HS3ST4: variants seen among roughly 807,000 people sequenced by gnomAD.
The protein encoded by HS3ST4 is heparan sulfate glucosamine 3-O-sulfotransferase 4.
A neutral mutation model predicts 29.2 loss-of-function variants in HS3ST4; 17 were observed. The ratio of observed to expected loss-of-function variants is 0.58; its 90% CI spans 0.40 to 0.87. The LOEUF (loss-of-function observed/expected upper bound fraction) is 0.87. Ranked by LOEUF, HS3ST4 falls within the 40% of genes least tolerant of loss-of-function variation. HS3ST4 has a pLI of 0.00. For missense variants in HS3ST4, 627 were observed against 634.5 expected (o/e 0.99, Z 0.13); for synonymous variants, 314 against 285.7 (o/e 1.10, Z -1.00).
rs768215655 is a variant in HS3ST4 at position 25,735,839 on chromosome 16, CAT to C, written c.734+42690_734+42691del. 1.6e-4 allele frequency among the ~76,000 whole-genome samples: 25 copies of C among 152,318 alleles called. No individual in the cohort carries two copies. In the East Asian group the frequency reaches 4.2e-3, roughly 26 times the overall value. ...GAGCCTACCACTGTGAGCCTAATGA[CAT>C]AGACCTGGAGCTAGGGGGTGGCATC... On this transcript the variant is annotated intron_variant, in intron 1 of 1. Coordinates refer to ENST00000331351, the MANE Select transcript of HS3ST4 (RefSeq NM_006040.3).
intron 1 of HS3ST4, among the ~76,000 whole-genome samples, chr16:26,081,536 T>A (rs1046203906): frequency 6.6e-6 from 1 of 152,194 alleles, no homozygotes; most frequent in East Asian, 1.9e-4. Context: ...CTGTGCAGTC[T>A]GTCCATTGAT....
At chr16:25,942,151 A>G (rs1968578389) in intron 1 of HS3ST4, among the ~76,000 whole-genome samples, 1 of 152,184 alleles carries the variant, frequency 6.6e-6, no homozygotes, top group Non-Finnish European at 1.5e-5. Context: ...TGGGGCCTGT[A>G]CCAATTGATG....
At chr16:26,017,012 T>G (rs1462748374) in intron 1 of HS3ST4, among the ~76,000 whole-genome samples, 1 of 152,208 alleles carries the variant, frequency 6.6e-6, no homozygotes, top group Admixed American at 6.5e-5. Context: ...TGCTTCCCAT[T>G]CTGGTAGAGT....
intron 1 of HS3ST4, among the ~76,000 whole-genome samples, chr16:25,747,704 C>T (rs1229815658): frequency 6.6e-6 from 1 of 152,190 alleles, no homozygotes; most frequent in East Asian, 1.9e-4. Flanking sequence ...TGTTTTCTAG[C>T]GATCACTAGC....
chr16:25,766,408 G>A (rs4433812), intron 1 of HS3ST4, among the ~76,000 whole-genome samples: 88,392 of 151,954 alleles, frequency 0.58, 26,336 homozygotes, highest in Non-Finnish European at 0.66. Context: ...TTAGTTATTG[G>A]AGTCAAAAGA....
intron 1 of HS3ST4, among the ~76,000 whole-genome samples, chr16:25,999,019 T>A (rs1049109923): frequency 6.6e-6 from 1 of 152,154 alleles, no homozygotes; most frequent in Non-Finnish European, 1.5e-5. Flanking sequence ...TCCTTTCTCA[T>A]TTTTTTGTAA....
chr16:25,717,182 C>T (rs1009050120), intron 1 of HS3ST4, among the ~76,000 whole-genome samples: 1 of 152,136 alleles, frequency 6.6e-6, no homozygotes, highest in Non-Finnish European at 1.5e-5. Flanking sequence ...TTTTAATCTC[C>T]GTGCCTTCCA....
chr16:25,950,801 A>G (rs935578105), intron 1 of HS3ST4, among the ~76,000 whole-genome samples: 22 of 152,116 alleles, frequency 1.4e-4, no homozygotes, highest in African/African-American at 5.1e-4. Flanking sequence ...AGTAAATGCA[A>G]TAAGCCCCAC....
chr16:25,769,941 G>A (rs933600009), intron 1 of HS3ST4, among the ~76,000 whole-genome samples: 16 of 152,290 alleles, frequency 1.1e-4, no homozygotes, highest in Admixed American at 2.0e-4. Flanking sequence ...TGTCTCTCCA[G>A]CCCCTTCTCC....
intron 1 of HS3ST4, among the ~76,000 whole-genome samples, chr16:25,945,863 G>A (rs1968620254): frequency 1.3e-5 from 2 of 152,076 alleles, no homozygotes; most frequent in Non-Finnish European, 2.9e-5. Flanking sequence ...AATGAACCTA[G>A]CATATTGATC....
At chr16:26,068,410 A>T (rs1464761892) in intron 1 of HS3ST4, among the ~76,000 whole-genome samples, 1 of 152,188 alleles carries the variant, frequency 6.6e-6, no homozygotes, top group East Asian at 1.9e-4. Context: ...AGGATCAATA[A>T]AATAGAGTAA....
At chr16:25,822,924 G>T (rs1161528980) in intron 1 of HS3ST4, among the ~76,000 whole-genome samples, 1 of 152,044 alleles carries the variant, frequency 6.6e-6, no homozygotes, top group African/African-American at 2.4e-5. Context: ...TTTTAGTAGA[G>T]AAAGGATTTC....
chr16:25,692,776 C>A lies in HS3ST4; in HGVS notation c.359C>A (p.Ala120Asp). 1 of 1,358,922 alleles carries A rather than the reference C, an allele frequency of 7.4e-7. No homozygotes were observed. The highest frequency in any genetic ancestry group is 1.5e-5 in the African/African-American group (1 of 65,016). 84.2% of individuals were successfully genotyped at this position (1,358,922 alleles called of 1,614,324 possible). A position where few individuals can be genotyped will look rare whatever the true frequency, so the allele number is the denominator to read the frequency against. ...EPPEPPEQPA[A>D]PGTDGWGLPS... Reference sequence around the variant, plus strand: ...CCCGAGCCCCCAGAGCAGCCAGCCGCCCCCGGGACCGACGGCTGGGGGCTG... The same window carrying A: ...CCCGAGCCCCCAGAGCAGCCAGCCGACCCCGGGACCGACGGCTGGGGGCTG... Residue 120 changes from alanine to aspartate, a missense_variant, in exon 1 of 2, where the codon GCC becomes GAC. Coordinates refer to ENST00000331351, the MANE Select transcript of HS3ST4 (RefSeq NM_006040.3).
At chr16:25,971,075 T>C (rs1357715441) in intron 1 of HS3ST4, among the ~76,000 whole-genome samples, 1 of 152,158 alleles carries the variant, frequency 6.6e-6, no homozygotes, top group Non-Finnish European at 1.5e-5. Flanking sequence ...GGTCTTGAAC[T>C]CCTGACCTCA....
chr16:26,056,032 GAGAGAGAC>G (rs1300386550), intron 1 of HS3ST4, among the ~76,000 whole-genome samples: 88 of 59,372 alleles, frequency 1.5e-3, no homozygotes, highest in African/African-American at 5.2e-3. Context: ...GCATGAGAAA[GAGAGAGAC>G]AGAGAGAGAG....
intron 1 of HS3ST4, among the ~76,000 whole-genome samples, chr16:25,886,120 C>T (rs980203653): frequency 1.4e-5 from 2 of 143,586 alleles, no homozygotes; most frequent in Admixed American, 7.3e-5. Context: ...GCAGTGTCTG[C>T]CTCCTGGGTT....
chr16:25,726,045 C>G (rs2141591645), intron 1 of HS3ST4, among the ~76,000 whole-genome samples: 1 of 152,230 alleles, frequency 6.6e-6, no homozygotes, highest in Admixed American at 6.5e-5. Context: ...ATAATGGACT[C>G]TTACATTTTC....
At chr16:26,117,169 G>A (rs534688969) in intron 1 of HS3ST4, among the ~76,000 whole-genome samples, 99 of 152,286 alleles carry the variant, frequency 6.5e-4, no homozygotes, top group African/African-American at 2.2e-3. Context: ...TAAGGAATTC[G>A]AATGTGCCTA....
intron 1 of HS3ST4, among the ~76,000 whole-genome samples, chr16:25,873,729 C>T (rs2141660958): frequency 6.6e-6 from 1 of 151,778 alleles, no homozygotes; most frequent in Middle Eastern, 3.4e-3. Context: ...TCCATCCATC[C>T]AGCTAGCAAG....
Sources: gnomAD v4.1 joint callset for allele counts (sites outside exome capture counted in the v4.1 genomes callset) on GRCh38, gnomAD v4.1.1 for gene constraint, MANE v1.5 for transcripts, NCBI Gene and HGNC (gene_info 2026-07-23, HGNC 2026-07-21) for gene names.